PCDH11Y: variants seen among roughly 807,000 people sequenced by gnomAD.
The protein encoded by PCDH11Y is protocadherin 11 Y-linked.
For synonymous variants in PCDH11Y, 9 were observed against 83.6 expected (o/e 0.11, Z 4.87); for missense variants, 12 against 224.8 (o/e 0.05, Z 6.05).
chrY:5,433,142 T>C, intron 2 of PCDH11Y, among the ~76,000 whole-genome samples: 1 of 34,204 alleles, frequency 2.9e-5, no homozygotes, highest in Non-Finnish European at 7.3e-5. Flanking sequence ...ATTCAAAGAA[T>C]GTAAATTCTC....
intron 2 of PCDH11Y, among the ~76,000 whole-genome samples, chrY:5,150,243 A>G: frequency 6.1e-5 from 2 of 32,890 alleles, no homozygotes; most frequent in East Asian, 1.6e-3. Flanking sequence ...TGCAATACAT[A>G]TAATGTATAG....
intron 3 of PCDH11Y, among the ~76,000 whole-genome samples, chrY:5,524,591 A>G (rs2053384626): frequency 3.0e-5 from 1 of 33,028 alleles, no homozygotes; most frequent in Non-Finnish European, 7.5e-5. Context: ...TGGGATACCT[A>G]TGTTGAACAT....
At chrY:5,565,962 A>T (rs935490102) in intron 3 of PCDH11Y, among the ~76,000 whole-genome samples, 10 of 20,687 alleles carry the variant, frequency 4.8e-4, no homozygotes, top group African/African-American at 1.1e-3. Flanking sequence ...ATATATATAT[A>T]ATATATATAT....
intron 2 of PCDH11Y, among the ~76,000 whole-genome samples, chrY:5,463,737 C>A: frequency 3.2e-5 from 1 of 31,309 alleles, no homozygotes; most frequent in African/African-American, 1.3e-4. Context: ...TGGTCCTTAT[C>A]TTATGATGAA....
chrY:5,044,829 C>A, intron 3 of PCDH11Y, among the ~76,000 whole-genome samples: 3 of 33,175 alleles, frequency 9.0e-5, no homozygotes, highest in Non-Finnish European at 2.2e-4. Context: ...AGATAGTTAG[C>A]TCTTCTTGTT....
chrY:5,397,340 C>T, intron 2 of PCDH11Y, among the ~76,000 whole-genome samples: 3 of 29,548 alleles, frequency 1.0e-4, no homozygotes, highest in Admixed American at 3.3e-4. Flanking sequence ...CATAGACATT[C>T]AGTTAGGATT....
intron 2 of PCDH11Y, among the ~76,000 whole-genome samples, chrY:5,305,857 G>T (rs2053090000): frequency 9.6e-5 from 3 of 31,358 alleles, no homozygotes; most frequent in Non-Finnish European, 2.3e-4. Context: ...AATTTTCAGG[G>T]CACAGAAAAC....
intron 4 of PCDH11Y, among the ~76,000 whole-genome samples, chrY:5,678,198 T>C: frequency 9.0e-5 from 3 of 33,433 alleles, no homozygotes; most frequent in Admixed American, 8.3e-4. Context: ...GAACACTTTT[T>C]ACATTTAATA....
intron 4 of PCDH11Y, among the ~76,000 whole-genome samples, chrY:5,721,890 A>G (rs2053595051): frequency 6.3e-5 from 2 of 31,742 alleles, no homozygotes; most frequent in Non-Finnish European, 1.6e-4. Flanking sequence ...TGATAAAATT[A>G]TGAGGTATTC....
chrY:5,085,252 A>G, intron 1 of PCDH11Y, among the ~76,000 whole-genome samples: 1 of 33,412 alleles, frequency 3.0e-5, no homozygotes, highest in East Asian at 7.9e-4. Flanking sequence ...ATAATAGCTT[A>G]ACATTGTTTG....
At chrY:5,388,628 A>T in intron 2 of PCDH11Y, among the ~76,000 whole-genome samples, 1 of 33,109 alleles carries the variant, frequency 3.0e-5, no homozygotes, top group African/African-American at 1.2e-4. Flanking sequence ...AAGGTTCACG[A>T]TGCAGGTCTC....
intron 2 of PCDH11Y, among the ~76,000 whole-genome samples, chrY:5,372,643 C>T: frequency 3.1e-5 from 1 of 31,879 alleles, no homozygotes; most frequent in African/African-American, 1.2e-4. Flanking sequence ...GACCTTTTCT[C>T]TCCTACCATG....
chrY:5,409,416 G>A, intron 2 of PCDH11Y, among the ~76,000 whole-genome samples: 1 of 26,758 alleles, frequency 3.7e-5, no homozygotes, highest in Non-Finnish European at 8.6e-5. Context: ...AAATCATCGT[G>A]AATAGTAACT....
chrY:5,082,017 G>A, intron 1 of PCDH11Y, among the ~76,000 whole-genome samples: 2 of 33,228 alleles, frequency 6.0e-5, no homozygotes, highest in South Asian at 1.4e-3. Flanking sequence ...GTCATAAATG[G>A]CTCTTATTAT....
chrY:5,493,261 T>C (rs2053340764), intron 2 of PCDH11Y, among the ~76,000 whole-genome samples: 1 of 33,249 alleles, frequency 3.0e-5, no homozygotes, highest in African/African-American at 1.2e-4. Context: ...CATCTGTTGC[T>C]TGAATGACAT....
intron 1 of PCDH11Y, among the ~76,000 whole-genome samples, chrY:5,017,724 G>C: frequency 1.2e-4 from 4 of 32,807 alleles, no homozygotes; most frequent in Non-Finnish European, 1.5e-4. Flanking sequence ...ATATGTAGTT[G>C]GTACAAATTT....
In PCDH11Y at chrY:5,293,318, C is replaced by T. The variant is rs2053070132; in HGVS notation, c.3129+192611C>T. Reference sequence around the variant, plus strand: ...CTGATTTTTGTATTTTTAGTAGAGACGGGGTTTTACCATGTTGGCCAGGCT... The same window carrying T: ...CTGATTTTTGTATTTTTAGTAGAGATGGGGTTTTACCATGTTGGCCAGGCT... On this transcript the variant is annotated intron_variant, in intron 2 of 4. Transcript: ENST00000400457. Among the ~76,000 whole-genome samples the T allele has an allele frequency of 1.3e-4, 4 of 31,163 alleles. No homozygotes were observed. In the East Asian group the frequency reaches 3.4e-3, roughly 26 times the overall value. The allele number at this position is 31,163 out of a possible 37,273, so 83.6% of individuals were successfully genotyped here.
At chrY:5,622,998 T>A in intron 4 of PCDH11Y, 1 of 117,026 alleles carries the variant, frequency 8.5e-6, no homozygotes, top group South Asian at 4.1e-5. Flanking sequence ...CGATGGCACA[T>A]GTTTATTTAT....
intron 2 of PCDH11Y, among the ~76,000 whole-genome samples, chrY:5,209,664 G>GA (rs2052936303): frequency 3.0e-5 from 1 of 33,751 alleles, no homozygotes; most frequent in Non-Finnish European, 7.3e-5. Context: ...ACACATAAAG[G>GA]AGTGTTGCTA....
Sources: allele counts gnomAD v4.1 joint callset (sites outside exome capture counted in the v4.1 genomes callset), GRCh38; gene constraint gnomAD v4.1.1; transcripts MANE v1.5; gene names NCBI Gene and HGNC (gene_info 2026-07-23, HGNC 2026-07-21).